Variants in DNMT3A observed in about 807,000 individuals in gnomAD.
DNMT3A encodes DNA (cytosine-5)-methyltransferase 3A.
DNMT3A carries 267 observed loss-of-function variants against 117.6 expected under a neutral mutation model. The ratio of observed to expected loss-of-function variants is 2.27; its 90% confidence interval spans 2.05 to 2.51. DNMT3A has a LOEUF of 2.51. Ranked by LOEUF, DNMT3A falls within the 30% of genes most tolerant of loss-of-function variation. The probability of loss-of-function intolerance (pLI) is 0.00; values close to 1 mark genes in which losing one functional copy is unlikely to be tolerated. For synonymous variants in DNMT3A, 432 were observed against 474.8 expected (o/e 0.91, Z 1.17); for missense variants, 1,029 against 1,260.2 (o/e 0.82, Z 2.78).
chr2:25,241,082 T>C (rs1454560380), intron 17 of DNMT3A, among the ~76,000 whole-genome samples: 1 of 152,164 alleles, frequency 6.6e-6, no homozygotes, highest in East Asian at 1.9e-4. Context: ...CAGTTGCCCT[T>C]CAGGACTCCA....
chr2:25,245,183 T>C lies in DNMT3A; in HGVS notation c.1554+70A>G, dbSNP rs1416043437. ...TCACCCTGTACATGCCCAGAAGCGG[T>C]GGACACAGTCAGCCAGAAGGCCGAA... is the stretch of plus-strand genomic sequence containing the variant. On this transcript the variant is annotated intron_variant, in intron 13 of 22. Transcript: ENST00000321117. 6 of 1,464,260 alleles carry C rather than the reference T, an allele frequency of 4.1e-6. No homozygotes were observed. In the African/African-American group the frequency reaches 4.2e-5, roughly 10 times the overall value. 90.7% of individuals were successfully genotyped at this position (1,464,260 alleles called of 1,614,324 possible). A position where few individuals can be genotyped will look rare whatever the true frequency, so the allele number is the denominator to read the frequency against.
In DNMT3A at chr2:25,241,420, GAAGAT is replaced by G; in HGVS notation, c.2082+137_2082+141del. 3.4e-6 allele frequency: 4 copies of G among 1,186,112 alleles called. No homozygotes were observed. In the East Asian group the frequency reaches 1.0e-4, roughly 30 times the overall value. The allele number at this position is 1,186,112 out of a possible 1,614,324, so 73.5% of individuals were successfully genotyped here. The stretch of plus-strand genomic sequence containing the variant: ...ACCCTCTCAAGACAGAGGACAAATG[GAAGAT>G]AAGGAGAAAAAGAGGCTGGGGCAAA... On this transcript the variant is annotated intron_variant, in intron 17 of 22. Transcript: ENST00000321117.
At chr2:25,302,591 C>A (rs536487570) in intron 2 of DNMT3A, among the ~76,000 whole-genome samples, 9 of 152,250 alleles carry the variant, frequency 5.9e-5, no homozygotes, top group East Asian at 1.9e-4. Flanking sequence ...AGCAAACTCG[C>A]GGGAGCCTTC....
chr2:25,282,274 T>C lies in DNMT3A; in HGVS notation c.448+167A>G, dbSNP rs2031936557. On this transcript the variant is annotated intron_variant, in intron 4 of 22. Transcript: ENST00000321117. This position sits in a 1 kb window ranked among gnomAD's most constrained non-coding sequence, Gnocchi z 5.2. ...CACTCTATGGGCCAAATAAAACATA[T>C]GCGCAGGCTGCATCCAGCCAGTAGC... 5 of 1,419,782 alleles carry C rather than the reference T, an allele frequency of 3.5e-6. No individual in the cohort carries two copies. The highest frequency in any genetic ancestry group is 3.7e-6 in the Non-Finnish European group (4 of 1,088,038). 87.9% of individuals were successfully genotyped at this position (1,419,782 alleles called of 1,614,324 possible).
intron 2 of DNMT3A, among the ~76,000 whole-genome samples, chr2:25,309,600 A>G (rs1284684653): frequency 6.6e-6 from 1 of 152,162 alleles, no homozygotes. Flanking sequence ...GAGACAGCCT[A>G]AGGAGCGCAG....
Position 25,335,534 on chromosome 2 carries a change from A to G in DNMT3A, c.-178+6292T>C, listed in dbSNP as rs13431057. Among the ~76,000 whole-genome samples the G allele has an allele frequency of 2.2e-3, 334 of 152,262 alleles. 1 individual carries two copies. The highest frequency in any genetic ancestry group is 7.8e-3 in the African/African-American group (326 of 41,534). Reference sequence around the variant, plus strand: ...ATGCAAATCTAACCCACACCCCATAATCTCTAAGCATCTTTTTACCTTTTC... The same window carrying G: ...ATGCAAATCTAACCCACACCCCATAGTCTCTAAGCATCTTTTTACCTTTTC... On this transcript the variant is annotated intron_variant, in intron 1 of 22. Coordinates refer to ENST00000321117, the MANE Select transcript of DNMT3A (RefSeq NM_022552.5).
At chr2:25,313,455 C>A (rs959652238) in intron 2 of DNMT3A, among the ~76,000 whole-genome samples, 1 of 152,210 alleles carries the variant, frequency 6.6e-6, no homozygotes, top group Non-Finnish European at 1.5e-5. Context: ...TGGGCCCCCG[C>A]GGCCTCGTGT....
chr2:25,234,691 G>A lies in DNMT3A; in HGVS notation c.2598-271C>T, dbSNP rs1673157685. On this transcript the variant is annotated intron_variant, in intron 22 of 22. Coordinates refer to ENST00000321117, the MANE Select transcript of DNMT3A (RefSeq NM_022552.5). This position sits in a 1 kb window ranked among gnomAD's most constrained non-coding sequence, Gnocchi z 4.5. ...AAGGTAGTAAGGTCATCACTGCCTA[G>A]AGTTTCACAACCCAGCAGAAATAAG... Among the ~76,000 whole-genome samples, 1 of 152,174 alleles carries A rather than the reference G, an allele frequency of 6.6e-6. No individual in the cohort carries two copies. The highest frequency in any genetic ancestry group is 2.4e-5 in the African/African-American group (1 of 41,420).
In DNMT3A at chr2:25,236,111, G is replaced by A. The variant is rs1313752526; in HGVS notation, c.2479-286C>T. ...GACGGAGTCTCGCTCTGTCACCCAG[G>A]CTGGACTGCAGTGGTGCGATCTCAG... On this transcript the variant is annotated intron_variant, in intron 21 of 22. Transcript: ENST00000321117. This position sits in a 1 kb window ranked among gnomAD's most constrained non-coding sequence, Gnocchi z 4.5. Among the ~76,000 whole-genome samples, 1 of 151,712 alleles carries A rather than the reference G, an allele frequency of 6.6e-6. No homozygotes were observed. Among genetic ancestry groups the A allele is most frequent in the Admixed American group, 6.6e-5 (1 of 15,222 alleles).
intron 6 of DNMT3A, among the ~76,000 whole-genome samples, chr2:25,258,502 G>A (rs1353484617): frequency 6.6e-6 from 1 of 152,228 alleles, no homozygotes. Context: ...GGGGGGAAGG[G>A]AAGCAAAGAG....
At chr2:25,244,074 C>G (rs1674412289) in intron 15 of DNMT3A, 81 bp downstream of exon 15, 6 of 1,596,386 alleles carry the variant, frequency 3.8e-6, no homozygotes, top group Non-Finnish European at 5.1e-6. Context: ...CCTAGACCCA[C>G]ACACCCTGCG....
chr2:25,300,427 C>A (rs1034340173), intron 2 of DNMT3A, among the ~76,000 whole-genome samples, 184 bp from the exon 3 acceptor site: 28 of 150,796 alleles, frequency 1.9e-4, no homozygotes, highest in Non-Finnish European at 2.4e-4. Flanking sequence ...AGGCTTGAGG[C>A]ACCCCTCAGA....
At chr2:25,245,461 G>T (rs1674642851) in intron 12 of DNMT3A, 129 bp from the exon 13 acceptor site, 3 of 769,162 alleles carry the variant, frequency 3.9e-6, no homozygotes, top group South Asian at 3.5e-5. Context: ...AGAGTCCAGG[G>T]TGCCCCACGG....
At chr2:25,260,639 G>A (rs763236529) in intron 6 of DNMT3A, among the ~76,000 whole-genome samples, 4 of 152,110 alleles carry the variant, frequency 2.6e-5, no homozygotes, top group African/African-American at 7.2e-5. Context: ...AAGAGCTGTC[G>A]CATCTGTAGA....
In DNMT3A at chr2:25,286,210, G is replaced by A. The variant is rs1025882858; in HGVS notation, c.178-3499C>T. Among the ~76,000 whole-genome samples, 11 of 152,166 alleles carry A rather than the reference G, an allele frequency of 7.2e-5. No individual in the cohort carries two copies. Among genetic ancestry groups the A allele is most frequent in the Admixed American group, 2.6e-4 (4 of 15,270 alleles). ...CGTAGCATAGAGACCTATGAGGGCCGGCTCTGAGGCCCAACACAGCCCCAG... is the reference window on the plus strand; with the variant it reads ...CGTAGCATAGAGACCTATGAGGGCCAGCTCTGAGGCCCAACACAGCCCCAG... On this transcript the variant is annotated intron_variant, in intron 3 of 22. Transcript: ENST00000321117. This position sits in a 1 kb window ranked among gnomAD's most constrained non-coding sequence, Gnocchi z 4.3.
chr2:25,270,536 C>T (rs1437396655), intron 6 of DNMT3A, among the ~76,000 whole-genome samples: 2 of 152,132 alleles, frequency 1.3e-5, no homozygotes, highest in East Asian at 3.9e-4. Flanking sequence ...AGTGATATTG[C>T]CTGGGGAACA....
At chr2:25,239,598 A>T (rs955618222) in intron 19 of DNMT3A, 1 of 516,630 alleles carries the variant, frequency 1.9e-6, no homozygotes, top group Admixed American at 2.3e-5. Context: ...ACCATATTGC[A>T]CAGTGCTGCT....
Position 25,293,283 on chromosome 2 carries a change from C to T in DNMT3A, c.177+6856G>A, listed in dbSNP as rs1009839033. 1.3e-5 allele frequency among the ~76,000 whole-genome samples: 2 copies of T among 152,206 alleles called. No individual in the cohort carries two copies. Among genetic ancestry groups the T allele is most frequent in the Non-Finnish European group, 2.9e-5 (2 of 68,038 alleles). On this transcript the variant is annotated intron_variant, in intron 3 of 22. Transcript: ENST00000321117. This position sits in a 1 kb window ranked among gnomAD's most constrained non-coding sequence, Gnocchi z 4.7. Reference sequence around the variant, plus strand: ...ACAGGCCCTGGGACTTTGCTGGCGCCCCTGCCCCCTCCCCTCTCCCAGCAT... The same window carrying T: ...ACAGGCCCTGGGACTTTGCTGGCGCTCCTGCCCCCTCCCCTCTCCCAGCAT...
intron 4 of DNMT3A, among the ~76,000 whole-genome samples, chr2:25,279,985 C>A (rs948751949): frequency 6.6e-6 from 1 of 152,128 alleles, no homozygotes; most frequent in Non-Finnish European, 1.5e-5. Context: ...GCCACTGTGC[C>A]CAGCCTCAAG....
Sources: allele counts gnomAD v4.1 joint callset (sites outside exome capture counted in the v4.1 genomes callset), GRCh38; gene constraint gnomAD v4.1.1; non-coding constraint Gnocchi (gnomAD v3.1); transcripts MANE v1.5; gene names NCBI Gene and HGNC (gene_info 2026-07-23, HGNC 2026-07-21).